The following PIK3CD variants were observed in gnomAD, a reference collection of about 807,000 sequenced individuals.
The protein encoded by PIK3CD is phosphatidylinositol 4,5-bisphosphate 3-kinase catalytic subunit delta isoform.
PIK3CD carries 20 observed loss-of-function variants against 122.9 expected under a neutral mutation model. The observed-to-expected ratio is 0.16, with a 90% CI of 0.11 to 0.24. PIK3CD has a LOEUF of 0.24. Among genes scored for constraint, PIK3CD ranks in the 10% least tolerant of loss-of-function variants. The pLI is 1.00. For synonymous variants in PIK3CD, 596 were observed against 593.4 expected, an observed-to-expected ratio of 1.00 and a Z score of -0.06; for missense variants, 787 against 1,406.3, an observed-to-expected ratio of 0.56 and a Z score of 7.04.
At position 9,722,647 on chromosome 1, in the gene PIK3CD, C is replaced by G. The variant is rs1249253899; in HGVS notation, c.2426+41C>G. ...CCACATCGTCCCTTGGTGTCTGTGC[C>G]CAGCCTGGGAGTCTGTGCCCCTGGA... On this transcript the variant is annotated intron_variant, in intron 19 of 23. Transcript: ENST00000377346. The surrounding 1 kb of genome is among the most constrained non-coding windows in gnomAD (Gnocchi z 7.6). 3.9e-6 allele frequency: 6 copies of G among 1,533,008 alleles called. No individual in the cohort carries two copies. In the South Asian group the frequency reaches 5.6e-5, roughly 14 times the overall value. The allele number at this position is 1,533,008 out of a possible 1,614,324, so 95.0% of individuals were successfully genotyped here. A position where few individuals can be genotyped will look rare whatever the true frequency, so the allele number is the denominator to read the frequency against.
chr1:9,630,256 G>T, the PIK3CD span, among the ~76,000 whole-genome samples: 1 of 152,258 alleles, frequency 6.6e-6, no homozygotes. Flanking sequence ...CCCGGAGGCC[G>T]TCAGGCCTTG....
chr1:9,633,247 C>T, the PIK3CD span, among the ~76,000 whole-genome samples: 12 of 152,134 alleles, frequency 7.9e-5, no homozygotes, highest in African/African-American at 1.4e-4. Flanking sequence ...ATTTGTCAGG[C>T]GTGGTTTCCT....
intron 1 of PIK3CD, among the ~76,000 whole-genome samples, chr1:9,657,261 A>C (rs1284685493): frequency 2.0e-5 from 3 of 152,192 alleles, no homozygotes; most frequent in African/African-American, 7.2e-5. Flanking sequence ...TTACATCTGC[A>C]AAGACCCATT....
chr1:9,685,578 C>T (rs959024794), intron 1 of PIK3CD, among the ~76,000 whole-genome samples: 1 of 152,078 alleles, frequency 6.6e-6, no homozygotes, highest in East Asian at 1.9e-4. Context: ...AGGCCAGTCT[C>T]GAACTCCTGA....
upstream of PIK3CD, among the ~76,000 whole-genome samples, chr1:9,649,166 TCCA>T (rs1307250087): frequency 6.6e-6 from 1 of 151,606 alleles, no homozygotes; most frequent in Non-Finnish European, 1.5e-5. Context: ...AGCAAGCCAC[TCCA>T]TCTTACCCAA....
intron 1 of PIK3CD, among the ~76,000 whole-genome samples, chr1:9,655,612 A>G (rs1644829642): frequency 6.6e-6 from 1 of 151,382 alleles, no homozygotes; most frequent in African/African-American, 2.4e-5. Context: ...CTCCCTCCCC[A>G]GAAGTCACAA....
intron 1 of PIK3CD, among the ~76,000 whole-genome samples, chr1:9,674,634 G>C (rs1645443174): frequency 6.8e-6 from 1 of 146,582 alleles, no homozygotes; most frequent in South Asian, 2.1e-4. Context: ...AGGCTGCAGT[G>C]AGCTAAGATC....
chr1:9,669,133 T>C (rs1262711685), intron 1 of PIK3CD, among the ~76,000 whole-genome samples: 1 of 152,184 alleles, frequency 6.6e-6, no homozygotes, highest in African/African-American at 2.4e-5. Flanking sequence ...TTGCTGCCCA[T>C]AATGCCTGCT....
the PIK3CD span, among the ~76,000 whole-genome samples, chr1:9,630,739 T>TGTGTGTGTGCGCGCGC: frequency 1.1e-4 from 16 of 150,964 alleles, 2 homozygotes; most frequent in South Asian, 2.3e-3. Context: ...TGTGTGTGTG[T>TGTGTGTGTGCGCGCGC]GCAGAAGAGG....
rs928149600 is a variant in PIK3CD, at chr1:9,716,809, G to A, written c.781-150G>A. The A allele has an allele frequency of 8.2e-6, 10 of 1,225,760 alleles. No homozygotes were observed. In the African/African-American group the frequency reaches 1.2e-4, roughly 15 times the overall value. The allele number at this position is 1,225,760 out of a possible 1,614,324, so 75.9% of individuals were successfully genotyped here. ...AAGGAGGGGCTCCGTCTTGGGAGGT[G>A]GAGGTGGGGCAGGAAAAACCAGCAG... On this transcript the variant is annotated intron_variant, in intron 6 of 23. Coordinates refer to ENST00000377346, the MANE Select transcript of PIK3CD (RefSeq NM_005026.5).
rs1165016577 is a variant in PIK3CD at position 9,691,162 on chromosome 1, AAAAACCAAAC to A, written c.-137-296_-137-287del. ...GCTCAGATCAATTACTTTGCTTTCA[AAAAACCAAAC>A]AAAACCAACAAACAGCTCTAAAAAC... On this transcript the variant is annotated intron_variant, in intron 1 of 23. Coordinates refer to ENST00000377346, the MANE Select transcript of PIK3CD (RefSeq NM_005026.5). 6.6e-5 allele frequency among the ~76,000 whole-genome samples: 10 copies of A among 152,218 alleles called. No individual in the cohort carries two copies. In the East Asian group the frequency reaches 1.9e-3, roughly 29 times the overall value.
chr1:9,726,830 T>C, intron 23 of PIK3CD, 79 bp from the exon 24 acceptor site: 1 of 1,571,020 alleles, frequency 6.4e-7, no homozygotes, highest in Non-Finnish European at 8.7e-7. Context: ...TCAGTGACTC[T>C]GAAGTCCCCA....
In PIK3CD at chr1:9,689,882, G is replaced by T. The variant is rs1409518174; in HGVS notation, c.-137-1585G>T. On this transcript the variant is annotated intron_variant, in intron 1 of 23. Transcript: ENST00000377346. This position sits in a 1 kb window ranked among gnomAD's most constrained non-coding sequence, Gnocchi z 6.1. ...GGTCCGGGGCCGTGGGGGCTTGGGG[G>T]GCCGAGGCAGGGGGTTGCGTTCGCG... Among the ~76,000 whole-genome samples, 2 of 151,714 alleles carry T rather than the reference G, an allele frequency of 1.3e-5. No individual in the cohort carries two copies. The highest frequency in any genetic ancestry group is 2.9e-5 in the Non-Finnish European group (2 of 67,834).
chr1:9,696,631 T>A (rs1272939515), intron 2 of PIK3CD, among the ~76,000 whole-genome samples: 1 of 150,476 alleles, frequency 6.6e-6, no homozygotes, highest in Non-Finnish European at 1.5e-5. Context: ...GTGCCTGTAG[T>A]CACAGCTACT....
At chr1:9,725,287 C>A (rs1649347038) in intron 23 of PIK3CD, among the ~76,000 whole-genome samples, 1 of 152,236 alleles carries the variant, frequency 6.6e-6, no homozygotes, top group South Asian at 2.1e-4. Flanking sequence ...GGCTGGGTGG[C>A]TCACGCCTGT....
At chr1:9,643,397 G>A in the PIK3CD span, among the ~76,000 whole-genome samples, 1 of 134,748 alleles carries the variant, frequency 7.4e-6, no homozygotes, top group African/African-American at 2.8e-5. Context: ...GACAGAGTGG[G>A]ACTCCACCTG....
intron 2 of PIK3CD, among the ~76,000 whole-genome samples, chr1:9,694,733 C>T (rs1246668550): frequency 6.6e-6 from 1 of 152,102 alleles, no homozygotes; most frequent in Non-Finnish European, 1.5e-5. Context: ...GAGGCTGAGG[C>T]AGGAGGATCG....
Position 9,720,361 on chromosome 1 carries a change from T to C in PIK3CD, c.1470+119T>C. On this transcript the variant is annotated intron_variant, in intron 11 of 23. Coordinates refer to ENST00000377346, the MANE Select transcript of PIK3CD (RefSeq NM_005026.5). This position sits in a 1 kb window ranked among gnomAD's most constrained non-coding sequence, Gnocchi z 9.0. ...CGTCGGGGCTGGGCTACCAGGCATA[T>C]CTGGGGCCTTCCCAGGGGCCATTTT... 7.1e-7 allele frequency: 1 copy of C among 1,406,954 alleles called. No individual in the cohort carries two copies. 87.2% of individuals were successfully genotyped at this position (1,406,954 alleles called of 1,614,324 possible).
chr1:9,677,433 G>A (rs939239204), intron 1 of PIK3CD, among the ~76,000 whole-genome samples: 3 of 151,912 alleles, frequency 2.0e-5, no homozygotes, highest in African/African-American at 4.8e-5. Flanking sequence ...ATCACTTGAG[G>A]TCAGGAGTTC....
Sources: gnomAD v4.1 joint callset for allele counts (sites outside exome capture counted in the v4.1 genomes callset) on GRCh38, gnomAD v4.1.1 for gene constraint, Gnocchi (gnomAD v3.1) non-coding constraint, MANE v1.5 for transcripts, NCBI Gene and HGNC (gene_info 2026-07-23, HGNC 2026-07-21) for gene names.